The following CFAP47 variants were observed in gnomAD, a reference collection of about 807,000 sequenced individuals.
CFAP47 encodes the protein cilia and flagella associated protein 47.
Under a neutral mutation model 148.1 loss-of-function variants are expected in CFAP47, and 29 were observed. The ratio of observed to expected loss-of-function variants is 0.20; its 90% CI spans 0.15 to 0.27. The LOEUF (loss-of-function observed/expected upper bound fraction) is 0.27. Among genes scored for constraint, CFAP47 ranks in the 10% least tolerant of loss-of-function variants. The pLI is 1.00. For synonymous variants in CFAP47, 664 were observed against 577.3 expected, an observed-to-expected ratio of 1.15 and a Z score of -2.15; for missense variants, 1,872 against 1,697.5, an observed-to-expected ratio of 1.10 and a Z score of -1.81.
At chrX:36,371,742 G>GCACACA (rs1941951645) in intron 62 of CFAP47, among the ~76,000 whole-genome samples, 1 of 56,933 alleles carries the variant, frequency 1.8e-5, no homozygotes, top group Non-Finnish European at 3.1e-5. Flanking sequence ...GTGTATATAT[G>GCACACA]TGTGTATATA....
chrX:36,173,982 A>T (rs371173984), intron 39 of CFAP47, among the ~76,000 whole-genome samples: 3 of 110,291 alleles, frequency 2.7e-5, no homozygotes, highest in Non-Finnish European at 5.7e-5. Context: ...ATCTGGGTGC[A>T]CCTGTATTGG....
intron 36 of CFAP47, among the ~76,000 whole-genome samples, chrX:36,146,061 G>A (rs190518478): frequency 2.8e-4 from 31 of 110,859 alleles, no homozygotes; most frequent in African/African-American, 9.5e-4. Flanking sequence ...ATAGAATTCA[G>A]TATTTACTAT....
chrX:35,966,535 T>G (rs1036417429), intron 8 of CFAP47, 30 bp from the exon 9 acceptor site: 2 of 950,161 alleles, frequency 2.1e-6, no homozygotes, highest in Non-Finnish European at 2.7e-6. Context: ...ACCAATTTAT[T>G]ATTGGTTACT....
At chrX:35,938,700 A>G (rs1347420884) in intron 2 of CFAP47, among the ~76,000 whole-genome samples, 1 of 111,760 alleles carries the variant, frequency 8.9e-6, no homozygotes. Flanking sequence ...GTAGATTGGA[A>G]TGAAAGGATT....
intron 33 of CFAP47, among the ~76,000 whole-genome samples, chrX:36,129,867 T>C (rs1938913599): frequency 9.0e-6 from 1 of 111,034 alleles, no homozygotes; most frequent in South Asian, 3.7e-4. Context: ...ATGAAGAATA[T>C]ATAAAAAACA....
intron 26 of CFAP47, among the ~76,000 whole-genome samples, chrX:36,063,940 C>T (rs1398311088): frequency 8.9e-6 from 1 of 112,363 alleles, no homozygotes; most frequent in Non-Finnish European, 1.9e-5. Flanking sequence ...AGATTTGAAA[C>T]TTCCATACCC....
intron 33 of CFAP47, among the ~76,000 whole-genome samples, chrX:36,113,836 G>A (rs1361310881): frequency 2.0e-5 from 2 of 100,901 alleles, no homozygotes; most frequent in Non-Finnish European, 4.0e-5. Context: ...TTTTTTTGGA[G>A]TCTCGCTCTG....
At chrX:35,932,244 T>TTTTCTTTCTTTCTTTC (rs780392333) in intron 2 of CFAP47, among the ~76,000 whole-genome samples, 71 of 106,293 alleles carry the variant, frequency 6.7e-4, no homozygotes, top group African/African-American at 2.3e-3. Flanking sequence ...TTTTCTTTTC[T>TTTTCTTTCTTTCTTTC]TTTCTTTCTT....
At chrX:36,220,390 A>T (rs781963351) in intron 45 of CFAP47, among the ~76,000 whole-genome samples, 64 of 110,777 alleles carry the variant, frequency 5.8e-4, no homozygotes, top group Non-Finnish European at 1.1e-3. Context: ...GTTAACACAA[A>T]GATATATATA....
chrX:36,048,759 A>G (rs763332508), intron 26 of CFAP47, among the ~76,000 whole-genome samples: 1 of 112,143 alleles, frequency 8.9e-6, no homozygotes, highest in South Asian at 3.8e-4. Flanking sequence ...TTTCAATGTC[A>G]GAAAAACCAC....
Position 36,046,050 on chromosome X carries a change from G to A in CFAP47, c.4008-804G>A, listed in dbSNP as rs183962703. Among the ~76,000 whole-genome samples, 416 of 111,127 alleles carry A rather than the reference G, an allele frequency of 3.7e-3. 1 individual carries two copies. The highest frequency in any genetic ancestry group is 6.5e-3 in the Non-Finnish European group (342 of 52,877). On this transcript the variant is annotated intron_variant, in intron 25 of 63. Coordinates refer to ENST00000378653, the MANE Select transcript of CFAP47 (RefSeq NM_001304548.2). ...TTTCCATGTTTTTATTCAAGGTAGC[G>A]TATAGGTTTAACTAATACAATTTTA...
intron 48 of CFAP47, among the ~76,000 whole-genome samples, chrX:36,237,868 C>A (rs900531230): frequency 2.9e-4 from 32 of 110,891 alleles, no homozygotes; most frequent in Non-Finnish European, 9.4e-5. Context: ...TTTTTGTAAC[C>A]CTGATAAATA....
chrX:36,048,602 T>C (rs1016766680), intron 26 of CFAP47, among the ~76,000 whole-genome samples: 1 of 111,821 alleles, frequency 8.9e-6, no homozygotes, highest in Non-Finnish European at 1.9e-5. Flanking sequence ...TATTTTCTGC[T>C]AATCTGTCTG....
At chrX:36,148,144 T>C (rs967838025) in intron 36 of CFAP47, among the ~76,000 whole-genome samples, 1 of 111,337 alleles carries the variant, frequency 9.0e-6, no homozygotes, top group African/African-American at 3.3e-5. Flanking sequence ...AGGAGCAGGA[T>C]GGAGATCAGT....
At chrX:36,378,960 C>T (rs1410171013) in intron 62 of CFAP47, among the ~76,000 whole-genome samples, 2 of 109,395 alleles carry the variant, frequency 1.8e-5, no homozygotes, top group African/African-American at 6.7e-5. Context: ...TACAGGCGCA[C>T]ATCACCGTGC....
At chrX:36,005,264 G>T (rs1304426311) in intron 21 of CFAP47, among the ~76,000 whole-genome samples, 1 of 110,516 alleles carries the variant, frequency 9.0e-6, no homozygotes, top group African/African-American at 3.3e-5. Flanking sequence ...ATTTTTAAGT[G>T]TGAAATGTTA....
intron 2 of CFAP47, among the ~76,000 whole-genome samples, chrX:35,935,839 C>G (rs1230848726): frequency 9.0e-6 from 1 of 111,202 alleles, no homozygotes; most frequent in South Asian, 3.8e-4. Context: ...CACTTCCTTC[C>G]GGACTCCATG....
At chrX:36,305,045 A>G (rs1323351174) in intron 54 of CFAP47, among the ~76,000 whole-genome samples, 2 of 111,635 alleles carry the variant, frequency 1.8e-5, no homozygotes, top group Non-Finnish European at 3.8e-5. Flanking sequence ...TTGTTTAACG[A>G]TTGTTTAACA....
intron 51 of CFAP47, among the ~76,000 whole-genome samples, chrX:36,286,784 A>G (rs1399855100): frequency 3.6e-5 from 4 of 111,714 alleles, no homozygotes; most frequent in Non-Finnish European, 7.5e-5. Flanking sequence ...ACCTCAGAAA[A>G]GGAGAAATTG....
Sources: gnomAD v4.1 joint callset for allele counts (sites outside exome capture counted in the v4.1 genomes callset) on GRCh38, gnomAD v4.1.1 for gene constraint, MANE v1.5 for transcripts, NCBI Gene and HGNC (gene_info 2026-07-23, HGNC 2026-07-21) for gene names.